The following TMEM178A variants were observed in gnomAD, a reference collection of about 807,000 sequenced individuals.
The protein encoded by TMEM178A is transmembrane protein 178.
TMEM178A carries 12 observed loss-of-function variants against 29.1 expected under a neutral mutation model. The ratio of observed to expected loss-of-function variants is 0.41; its 90% CI spans 0.26 to 0.67. The LOEUF (loss-of-function observed/expected upper bound fraction) is 0.67. Ranked by LOEUF, TMEM178A falls within the 30% of genes least tolerant of loss-of-function variation. TMEM178A has a pLI of 0.29. For missense variants in TMEM178A, 366 were observed against 419.1 expected, an observed-to-expected ratio of 0.87 and a Z score of 1.11; for synonymous variants, 210 against 187.2, an observed-to-expected ratio of 1.12 and a Z score of -0.99.
chr2:39,677,763 C>T (rs968740308), intron 1 of TMEM178A, among the ~76,000 whole-genome samples: 3 of 151,946 alleles, frequency 2.0e-5, no homozygotes, highest in East Asian at 1.9e-4. Flanking sequence ...CGTTCGACAC[C>T]GAGAGACCTA....
At chr2:39,698,953 T>C (rs1671668618) in intron 1 of TMEM178A, among the ~76,000 whole-genome samples, 1 of 152,312 alleles carries the variant, frequency 6.6e-6, no homozygotes, top group Admixed American at 6.5e-5. Context: ...TGGCATGTAA[T>C]TTTTCACTGT....
chr2:39,720,087 G>T (rs1672672823), downstream of TMEM178A, among the ~76,000 whole-genome samples: 1 of 152,098 alleles, frequency 6.6e-6, no homozygotes, highest in African/African-American at 2.4e-5. Flanking sequence ...TAAGTCCAGG[G>T]TTAAAGTTAT....
At chr2:39,706,357 A>G (rs1672034725) in intron 2 of TMEM178A, among the ~76,000 whole-genome samples, 1 of 152,172 alleles carries the variant, frequency 6.6e-6, no homozygotes, top group South Asian at 2.1e-4. Flanking sequence ...TTTAGGGGAG[A>G]AGGCATTTCT....
chr2:39,682,900 A>G (rs1392836959), intron 1 of TMEM178A, among the ~76,000 whole-genome samples: 1 of 152,306 alleles, frequency 6.6e-6, no homozygotes, highest in Non-Finnish European at 1.5e-5. Flanking sequence ...TTTGTGGGGC[A>G]TCCCACACAA....
the TMEM178A span, among the ~76,000 whole-genome samples, chr2:39,724,086 G>T: frequency 1.2e-4 from 18 of 152,122 alleles, no homozygotes; most frequent in Admixed American, 3.3e-4. Context: ...AGACCCTGTA[G>T]CTTGCAGTAG....
chr2:39,694,343 T>C (rs937637789), intron 1 of TMEM178A, among the ~76,000 whole-genome samples: 2 of 152,146 alleles, frequency 1.3e-5, no homozygotes, highest in African/African-American at 4.8e-5. Context: ...AAATCCAGCC[T>C]GTCTTGCTCC....
At chr2:39,665,790 A>C, upstream of TMEM178A, 1 of 436,016 alleles carries the variant, frequency 2.3e-6, no homozygotes, top group Non-Finnish European at 3.5e-6. Flanking sequence ...GGGCGGTGGG[A>C]GGCGAGATCA....
rs117338591 is a variant in TMEM178A at position 39,705,431 on chromosome 2, G to T, written c.514+1237G>T. Reference sequence around the variant, plus strand: ...ACTCAAACCATAGGAAATTTGGGAGGCTGTAAGATAATGGTGACTGAACCA... The same window carrying T: ...ACTCAAACCATAGGAAATTTGGGAGTCTGTAAGATAATGGTGACTGAACCA... On this transcript the variant is annotated intron_variant, in intron 2 of 3. Transcript: ENST00000281961. 7.9e-5 allele frequency among the ~76,000 whole-genome samples: 12 copies of T among 152,276 alleles called. No individual in the cohort carries two copies. In the East Asian group the frequency reaches 2.3e-3, roughly 29 times the overall value.
At chr2:39,704,318 C>T in intron 2 of TMEM178A, 124 bp downstream of exon 2, 1 of 726,186 alleles carries the variant, frequency 1.4e-6, no homozygotes, top group Non-Finnish European at 2.3e-6. Context: ...TGGGCCCAAT[C>T]AGATGTGGTC....
chr2:39,672,873 G>A (rs17535450), intron 1 of TMEM178A, among the ~76,000 whole-genome samples: 2,911 of 152,258 alleles, frequency 0.019, 50 homozygotes, highest in Non-Finnish European at 0.028. Flanking sequence ...TAAAAGATCA[G>A]TTTTTGTTGG....
chr2:39,718,744 G>T (rs760802848), downstream of TMEM178A, among the ~76,000 whole-genome samples: 2 of 151,672 alleles, frequency 1.3e-5, no homozygotes, highest in Admixed American at 6.6e-5. Flanking sequence ...AAATTCTTCC[G>T]TTGTGTTTGC....
chr2:39,719,963 T>C (rs949038309), downstream of TMEM178A, among the ~76,000 whole-genome samples: 1 of 152,164 alleles, frequency 6.6e-6, no homozygotes, highest in Admixed American at 6.5e-5. Flanking sequence ...GAAACATTAA[T>C]GAAGCAAAAC....
At chr2:39,680,953 T>A (rs1670844980) in intron 1 of TMEM178A, among the ~76,000 whole-genome samples, 1 of 152,248 alleles carries the variant, frequency 6.6e-6, no homozygotes, top group African/African-American at 2.4e-5. Context: ...TCACTTTAAT[T>A]TAATTTGTAT....
At chr2:39,733,919 T>C in the TMEM178A span, among the ~76,000 whole-genome samples, 1 of 152,168 alleles carries the variant, frequency 6.6e-6, no homozygotes, top group Admixed American at 6.5e-5. Context: ...ATCCCCTTAT[T>C]CAAGGACGTC....
intron 1 of TMEM178A, among the ~76,000 whole-genome samples, chr2:39,669,863 A>T (rs144664514): frequency 1.3e-5 from 2 of 152,356 alleles, no homozygotes; most frequent in African/African-American, 2.4e-5. Context: ...CTGTATTTCC[A>T]TACTTACTGT....
intron 1 of TMEM178A, among the ~76,000 whole-genome samples, chr2:39,687,861 C>A (rs922842871): frequency 3.9e-5 from 6 of 152,246 alleles, no homozygotes; most frequent in African/African-American, 1.4e-4. Context: ...TCTTAACTGA[C>A]AAAGTCTGTT....
At chr2:39,733,599 CTTAT>C in the TMEM178A span, among the ~76,000 whole-genome samples, 5 of 152,094 alleles carry the variant, frequency 3.3e-5, no homozygotes. Context: ...AGGTGAAGTC[CTTAT>C]TTACTTACAT....
At chr2:39,712,835 G>A (rs558854666) in intron 3 of TMEM178A, among the ~76,000 whole-genome samples, 1 of 152,300 alleles carries the variant, frequency 6.6e-6, no homozygotes, top group Admixed American at 6.5e-5. Flanking sequence ...GAATGCAGAG[G>A]TGATACCTTA....
At chr2:39,687,183 T>G (rs767146874) in intron 1 of TMEM178A, 5 of 163,866 alleles carry the variant, frequency 3.1e-5, no homozygotes, top group Admixed American at 6.5e-5. Context: ...CCCTTCATGC[T>G]GTCGTCAGAA....
Sources: gnomAD v4.1 joint callset for allele counts (sites outside exome capture counted in the v4.1 genomes callset) on GRCh38, gnomAD v4.1.1 for gene constraint, MANE v1.5 for transcripts, NCBI Gene and HGNC (gene_info 2026-07-23, HGNC 2026-07-21) for gene names.